The following C10orf90 variants were observed in gnomAD, a reference collection of about 807,000 sequenced individuals.
The protein encoded by C10orf90 is (E2-independent) E3 ubiquitin-conjugating enzyme FATS.
Under a neutral mutation model 62.5 loss-of-function variants are expected in C10orf90, and 56 were observed. That is an observed-to-expected ratio of 0.90 (90% CI 0.72 to 1.12). The LOEUF is 1.12. Among genes scored for constraint, C10orf90 ranks in the 50% most tolerant of loss-of-function variants. The probability of loss-of-function intolerance (pLI) is 0.00; values close to 1 mark genes in which losing one functional copy is unlikely to be tolerated. For missense variants in C10orf90, 970 were observed against 880.4 expected (o/e 1.10, Z -1.29); for synonymous variants, 386 against 340.4 (o/e 1.13, Z -1.47).
intron 2 of C10orf90, among the ~76,000 whole-genome samples, chr10:126,565,436 A>ATATTATATATAATATATATTATATATAT (rs1355757172): frequency 2.6e-4 from 3 of 11,748 alleles, no homozygotes; most frequent in Admixed American, 9.7e-4. Context: ...TATATATATT[A>ATATTATATATAATATATATTATATATAT]TACACACACA....
At chr10:126,426,202 CT>C in intron 8 of C10orf90, 112 bp from the exon 9 acceptor site, 1 of 853,478 alleles carries the variant, frequency 1.2e-6, no homozygotes, top group Non-Finnish European at 1.9e-6. Flanking sequence ...AAGATCGCTG[CT>C]TATGGGCTAG....
At chr10:126,556,492 G>T (rs1024698844) in intron 2 of C10orf90, among the ~76,000 whole-genome samples, 1 of 151,958 alleles carries the variant, frequency 6.6e-6, no homozygotes, top group Non-Finnish European at 1.5e-5. Context: ...TGCTTATTTT[G>T]ATATAATTTC....
At chr10:126,509,451 G>A (rs1404254095) in intron 3 of C10orf90, among the ~76,000 whole-genome samples, 2 of 152,126 alleles carry the variant, frequency 1.3e-5, no homozygotes, top group African/African-American at 4.8e-5. Flanking sequence ...ATTTACAATG[G>A]AATGCATTTG....
intron 1 of C10orf90, among the ~76,000 whole-genome samples, chr10:126,647,573 G>A (rs949004105): frequency 2.0e-5 from 3 of 152,176 alleles, no homozygotes; most frequent in African/African-American, 7.2e-5. Flanking sequence ...TCCCATAGTG[G>A]AAGAGACAGA....
intron 7 of C10orf90, among the ~76,000 whole-genome samples, chr10:126,443,804 A>T (rs1176763857): frequency 6.6e-6 from 1 of 152,134 alleles, no homozygotes; most frequent in Non-Finnish European, 1.5e-5. Context: ...ATCCAACAAC[A>T]TATCAAAAAG....
intron 1 of C10orf90, among the ~76,000 whole-genome samples, chr10:126,655,668 A>G (rs548582426): frequency 7.3e-4 from 111 of 152,240 alleles, no homozygotes; most frequent in African/African-American, 2.6e-3. Flanking sequence ...CTTTCCCCCA[A>G]TTAGAGTCCT....
intron 4 of C10orf90, among the ~76,000 whole-genome samples, chr10:126,494,771 C>A (rs533131237): frequency 6.6e-6 from 1 of 152,210 alleles, no homozygotes; most frequent in East Asian, 1.9e-4. Flanking sequence ...ATGACTTTCG[C>A]GGTTCCTACA....
intron 4 of C10orf90, among the ~76,000 whole-genome samples, chr10:126,496,292 C>T (rs546204305): frequency 7.2e-5 from 11 of 152,276 alleles, no homozygotes; most frequent in African/African-American, 1.4e-4. Context: ...ATTCTCTCCA[C>T]GAAGCTAGCC....
intron 2 of C10orf90, among the ~76,000 whole-genome samples, chr10:126,634,900 C>T (rs537162136): frequency 2.0e-5 from 3 of 152,262 alleles, no homozygotes; most frequent in Non-Finnish European, 2.9e-5. Flanking sequence ...AATTTTAATC[C>T]GTGCTCTGGG....
At chr10:126,646,129 T>C (rs1846166228) in intron 2 of C10orf90, among the ~76,000 whole-genome samples, 1 of 152,246 alleles carries the variant, frequency 6.6e-6, no homozygotes, top group Admixed American at 6.5e-5. Context: ...CCATCTCACC[T>C]AGCGTTTTTA....
At chr10:126,529,696 C>G (rs1016717202) in intron 2 of C10orf90, among the ~76,000 whole-genome samples, 7 of 152,050 alleles carry the variant, frequency 4.6e-5, no homozygotes, top group Admixed American at 4.6e-4. Context: ...CCCAGATTGG[C>G]AAAAAATCAG....
chr10:126,516,748 C>G (rs1233080130), intron 2 of C10orf90, among the ~76,000 whole-genome samples: 1 of 152,182 alleles, frequency 6.6e-6, no homozygotes, highest in Non-Finnish European at 1.5e-5. Context: ...GTGGTATGCT[C>G]CAGTTCTAGA....
intron 2 of C10orf90, among the ~76,000 whole-genome samples, chr10:126,596,823 T>C (rs1368013061): frequency 6.6e-6 from 1 of 152,200 alleles, no homozygotes; most frequent in Non-Finnish European, 1.5e-5. Context: ...CCATCATAAG[T>C]TGGGGACTGT....
At chr10:126,640,669 AAG>A (rs1229046024) in intron 2 of C10orf90, among the ~76,000 whole-genome samples, 1 of 152,214 alleles carries the variant, frequency 6.6e-6, no homozygotes, top group Admixed American at 6.5e-5. Context: ...AGTCAAAAGA[AAG>A]AGTTTTATCA....
chr10:126,626,559 A>G (rs1845747496), intron 2 of C10orf90, among the ~76,000 whole-genome samples: 1 of 152,236 alleles, frequency 6.6e-6, no homozygotes. Flanking sequence ...GGCTTGAGAT[A>G]TGTTCTTCCA....
rs559110675 is a variant in C10orf90, at chr10:126,464,668, G to T, written c.1825+28C>A. On this transcript the variant is annotated intron_variant, in intron 5 of 9. Transcript: ENST00000488181. ...TTTTTATCGAATGTCAAGACCAAAT[G>T]ATGTCACCCACCACCCTCGCTCCTT... is the stretch of plus-strand genomic sequence containing the variant. 6 of 1,581,094 alleles carry T rather than the reference G, an allele frequency of 3.8e-6. No homozygotes were observed. The Admixed American group carries it at 1.1e-4, about 28-fold the overall frequency.
chr10:126,450,494 C>A (rs1237541884), intron 7 of C10orf90, among the ~76,000 whole-genome samples: 1 of 152,108 alleles, frequency 6.6e-6, no homozygotes, highest in Non-Finnish European at 1.5e-5. Flanking sequence ...GGCATAAAAA[C>A]AAGTAGACTG....
chr10:126,504,611 C>CT lies in C10orf90; in HGVS notation c.879dup (p.Glu294ArgfsTer22). ...ACCACGGAGCTGTTTCTGGAGAACT[C>CT]TGTGCAGGCAAAAGATCTCTGATGC... On this transcript the variant is annotated frameshift_variant, in exon 4 of 10. Coordinates refer to ENST00000488181, the MANE Select transcript of C10orf90 (RefSeq NM_001350921.2). LOFTEE classifies it high-confidence loss of function. This position sits in a 1 kb window ranked among gnomAD's most constrained non-coding sequence, Gnocchi z 4.1. 1 of 1,614,230 alleles carries CT rather than the reference C, an allele frequency of 6.2e-7. No homozygotes were observed. Among genetic ancestry groups the CT allele is most frequent in the Non-Finnish European group, 8.5e-7 (1 of 1,180,040 alleles).
chr10:126,604,259 T>C (rs1169350344), intron 2 of C10orf90, among the ~76,000 whole-genome samples: 1 of 152,120 alleles, frequency 6.6e-6, no homozygotes. Flanking sequence ...TGAGTAAAAC[T>C]GAGCCCAGGG....
Sources: gnomAD v4.1 joint callset for allele counts (sites outside exome capture counted in the v4.1 genomes callset) on GRCh38, gnomAD v4.1.1 for gene constraint, Gnocchi (gnomAD v3.1) non-coding constraint, MANE v1.5 for transcripts, NCBI Gene and HGNC (gene_info 2026-07-23, HGNC 2026-07-21) for gene names.